The following RPRD1A variants were observed in gnomAD, a reference collection of about 807,000 sequenced individuals.
The protein encoded by RPRD1A is regulation of nuclear pre-mRNA domain containing 1A, also known as regulation of nuclear pre-mRNA domain-containing protein 1A.
In RPRD1A, 9 loss-of-function variants were observed where a neutral mutation model predicts 37.8. That is an observed-to-expected ratio of 0.24 (90% CI 0.14 to 0.42). The LOEUF (loss-of-function observed/expected upper bound fraction) is 0.42, where lower values mean the gene tolerates loss of function less well. Among genes scored for constraint, RPRD1A ranks in the 10% least tolerant of loss-of-function variants. RPRD1A has a pLI of 1.00. For synonymous variants in RPRD1A, 138 were observed against 139.7 expected (o/e 0.99, Z 0.08); for missense variants, 255 against 371.0 (o/e 0.69, Z 2.57).
At chr18:36,046,320 C>T (rs532719382) in intron 1 of RPRD1A, among the ~76,000 whole-genome samples, 2 of 152,204 alleles carry the variant, frequency 1.3e-5, no homozygotes, top group Admixed American at 1.3e-4. Flanking sequence ...AATAAAGAAA[C>T]ACTCCCCACT....
intron 1 of RPRD1A, among the ~76,000 whole-genome samples, chr18:36,057,318 T>C (rs898304062): frequency 6.6e-6 from 1 of 150,948 alleles, no homozygotes; most frequent in African/African-American, 2.4e-5. Flanking sequence ...ACACTAAACG[T>C]TTATCTAGCC....
intron 1 of RPRD1A, among the ~76,000 whole-genome samples, chr18:36,034,449 A>G (rs1199922543): frequency 6.6e-6 from 1 of 152,202 alleles, no homozygotes; most frequent in Admixed American, 6.5e-5. Flanking sequence ...CTGTGGGTGT[A>G]GTCATTTCTC....
chr18:36,059,726 T>G (rs973222564), intron 1 of RPRD1A, among the ~76,000 whole-genome samples: 1 of 152,162 alleles, frequency 6.6e-6, no homozygotes, highest in Non-Finnish European at 1.5e-5. Context: ...ATGGCACCCA[T>G]AGATGTAAAG....
Position 35,993,277 on chromosome 18 carries a change from T to A in RPRD1A, c.813A>T (p.Arg271Ser). The A allele has an allele frequency of 6.2e-7, 1 of 1,614,194 alleles. No homozygotes were observed. The highest frequency in any genetic ancestry group is 8.5e-7 in the Non-Finnish European group (1 of 1,180,022). Residue 271 changes from arginine (R) to serine (S), a missense_variant, in exon 7 of 7, where the codon AGA becomes AGT. Arg to Ser is a moderately radical substitution (Grantham distance 110). Around this residue, in one of 2 missense-constraint regions of RPRD1A, gnomAD observed 211 missense variants for 268.9 expected, o/e 0.78. Coordinates refer to ENST00000399022, the MANE Select transcript of RPRD1A (RefSeq NM_018170.5). ...TGAGTTCTTTGCGCACCAGGGAAACTCTGGCTAGCTTGCGCTTGTACTCCT... is the reference window on the plus strand; with the variant it reads ...TGAGTTCTTTGCGCACCAGGGAAACACTGGCTAGCTTGCGCTTGTACTCCT... ...KLEEYKRKLARVSLVRKELRS... is the reference protein window; with the variant it reads ...KLEEYKRKLASVSLVRKELRS...
At chr18:36,044,734 T>G (rs1160753426) in intron 1 of RPRD1A, among the ~76,000 whole-genome samples, 1 of 151,918 alleles carries the variant, frequency 6.6e-6, no homozygotes, top group Non-Finnish European at 1.5e-5. Context: ...AAGTCTCATG[T>G]CCTCTGGCAA....
At chr18:36,061,277 CTG>C (rs2088905617) in intron 1 of RPRD1A, among the ~76,000 whole-genome samples, 1 of 152,214 alleles carries the variant, frequency 6.6e-6, no homozygotes, top group African/African-American at 2.4e-5. Flanking sequence ...CAGGGATAAA[CTG>C]TTTTCCCTTT....
intron 1 of RPRD1A, among the ~76,000 whole-genome samples, chr18:36,045,263 AAT>A (rs1396663035): frequency 6.6e-6 from 1 of 152,168 alleles, no homozygotes; most frequent in Non-Finnish European, 1.5e-5. Context: ...TATATTAAAA[AAT>A]AGAGGTCGCA....
At chr18:36,007,723 A>G (rs1909835731) in intron 6 of RPRD1A, among the ~76,000 whole-genome samples, 2 of 151,994 alleles carry the variant, frequency 1.3e-5, no homozygotes, top group South Asian at 4.1e-4. Context: ...GCGGATCACG[A>G]GGTCAAGAGA....
chr18:36,051,035 A>G lies in RPRD1A; in HGVS notation c.151+16219T>C, dbSNP rs1008079099. 7.9e-5 allele frequency among the ~76,000 whole-genome samples: 12 copies of G among 152,190 alleles called. No homozygotes were observed. The East Asian group carries it at 2.1e-3, about 27-fold the overall frequency. ...CCTGCATATAATTTTTGACCCTCCC[A>G]AAACTTAGGGAGTTGGTGGTCTTGC... On this transcript the variant is annotated intron_variant, in intron 1 of 6. Transcript: ENST00000399022.
At chr18:36,042,013 C>G (rs974691182) in intron 1 of RPRD1A, among the ~76,000 whole-genome samples, 7 of 152,188 alleles carry the variant, frequency 4.6e-5, no homozygotes, top group African/African-American at 1.7e-4. Flanking sequence ...TCAATTCTTG[C>G]TTACAAGCCT....
Position 36,008,577 on chromosome 18 carries a change from G to GTGTATATATATATATATATATATATATA in RPRD1A, c.790-15278_790-15277insTATATATATATATATATATATATATACA. ...GGCGACACAGCAAGACCTTGTGTGT[G>GTGTATATATATATATATATATATATATA]TATATATATATATCTTTAAAAATCT... On this transcript the variant is annotated intron_variant, in intron 6 of 6. Coordinates refer to ENST00000399022, the MANE Select transcript of RPRD1A (RefSeq NM_018170.5). Among the ~76,000 whole-genome samples the GTGTATATATATATATATATATATATATA allele has an allele frequency of 2.8e-3, 133 of 47,788 alleles. 8 individuals carry two copies. Among genetic ancestry groups the GTGTATATATATATATATATATATATATA allele is most frequent in the African/African-American group, 8.9e-3 (132 of 14,808 alleles). 31.4% of individuals were successfully genotyped at this position (47,788 alleles called of 152,430 possible). A position where few individuals can be genotyped will look rare whatever the true frequency, so the allele number is the denominator to read the frequency against.
At chr18:36,001,695 T>C (rs1909427702) in intron 6 of RPRD1A, among the ~76,000 whole-genome samples, 1 of 152,186 alleles carries the variant, frequency 6.6e-6, no homozygotes, top group South Asian at 2.1e-4. Context: ...ACAATCTGGT[T>C]TGCGACATTC....
intron 2 of RPRD1A, among the ~76,000 whole-genome samples, chr18:36,032,942 G>C (rs1183593029): frequency 6.6e-6 from 1 of 152,166 alleles, no homozygotes; most frequent in African/African-American, 2.4e-5. Context: ...GCATAAAACT[G>C]TAAGTCATTA....
chr18:36,017,804 G>A (rs746927551), intron 6 of RPRD1A, among the ~76,000 whole-genome samples: 7 of 152,098 alleles, frequency 4.6e-5, no homozygotes, highest in Non-Finnish European at 1.0e-4. Flanking sequence ...ATACTTTAAC[G>A]TAAAAGAATG....
chr18:36,040,679 T>C (rs2144335177), intron 1 of RPRD1A: 2 of 533,076 alleles, frequency 3.8e-6, no homozygotes, highest in East Asian at 3.3e-5. Flanking sequence ...AGAGTTGTGA[T>C]CACAGGAATT....
chr18:36,000,496 A>G (rs1205590218), intron 6 of RPRD1A, among the ~76,000 whole-genome samples: 1 of 152,236 alleles, frequency 6.6e-6, no homozygotes, highest in Non-Finnish European at 1.5e-5. Context: ...GGAAAAAGAT[A>G]TTTTATCAAG....
chr18:36,020,526 C>A (rs1910924431), intron 6 of RPRD1A, among the ~76,000 whole-genome samples: 1 of 152,132 alleles, frequency 6.6e-6, no homozygotes, highest in African/African-American at 2.4e-5. Context: ...GCAATTTCAT[C>A]TTTAGAAATT....
intron 6 of RPRD1A, among the ~76,000 whole-genome samples, chr18:36,022,331 T>C (rs1911048898): frequency 6.6e-6 from 1 of 152,180 alleles, no homozygotes; most frequent in Admixed American, 6.5e-5. Flanking sequence ...GCTAAGGTCG[T>C]TGATGACGGT....
At chr18:36,007,677 T>G (rs1428599237) in intron 6 of RPRD1A, among the ~76,000 whole-genome samples, 1 of 152,158 alleles carries the variant, frequency 6.6e-6, no homozygotes, top group Admixed American at 6.5e-5. Flanking sequence ...CGGTGGCTCA[T>G]GCCTGAAATC....
Sources: allele counts gnomAD v4.1 joint callset (sites outside exome capture counted in the v4.1 genomes callset), GRCh38; gene constraint gnomAD v4.1.1; regional missense constraint gnomAD v4.1.1; transcripts MANE v1.5; gene names NCBI Gene and HGNC (gene_info 2026-07-23, HGNC 2026-07-21).